SGCZ: variants seen among roughly 807,000 people sequenced by gnomAD.
The protein encoded by SGCZ is zeta-sarcoglycan.
SGCZ carries 40 observed loss-of-function variants against 41.3 expected under a neutral mutation model. The observed-to-expected ratio is 0.97, with a 90% confidence interval of 0.75 to 1.26. The LOEUF is 1.26. Among genes scored for constraint, SGCZ ranks in the 50% most tolerant of loss-of-function variants. The probability of loss-of-function intolerance (pLI) is 0.00; values close to 1 mark genes in which losing one functional copy is unlikely to be tolerated. For missense variants in SGCZ, 552 were observed against 369.8 expected (o/e 1.49, Z -4.04); for synonymous variants, 206 against 137.5 (o/e 1.50, Z -3.49).
chr8:14,788,228 A>C (rs2130459217), intron 1 of SGCZ, among the ~76,000 whole-genome samples: 1 of 152,250 alleles, frequency 6.6e-6, no homozygotes, highest in South Asian at 2.1e-4. Flanking sequence ...TAAAGCACAT[A>C]ATGCAGTAAT....
At chr8:14,908,707 G>A (rs1437422113) in intron 1 of SGCZ, among the ~76,000 whole-genome samples, 1 of 135,400 alleles carries the variant, frequency 7.4e-6, no homozygotes, top group African/African-American at 2.8e-5. Context: ...CCGAGATCGG[G>A]CCACTGTACT....
intron 1 of SGCZ, among the ~76,000 whole-genome samples, chr8:14,761,987 T>A (rs1563252277): frequency 6.6e-6 from 1 of 151,914 alleles, no homozygotes; most frequent in Non-Finnish European, 1.5e-5. Flanking sequence ...TAACACAGGG[T>A]TCAGTAAACT....
chr8:14,130,340 C>T (rs1043176247), intron 5 of SGCZ, among the ~76,000 whole-genome samples: 1 of 144,378 alleles, frequency 6.9e-6, no homozygotes, highest in Admixed American at 7.1e-5. Flanking sequence ...TCTTTTATCA[C>T]TATATAATCA....
intron 1 of SGCZ, among the ~76,000 whole-genome samples, chr8:14,740,436 G>C (rs112682315): frequency 2.0e-5 from 3 of 152,016 alleles, no homozygotes; most frequent in African/African-American, 4.8e-5. Flanking sequence ...TACTTCACAG[G>C]CTACCAAAGG....
intron 1 of SGCZ, among the ~76,000 whole-genome samples, chr8:15,058,765 C>T (rs1205566067): frequency 6.6e-6 from 1 of 152,054 alleles, no homozygotes; most frequent in African/African-American, 2.4e-5. Context: ...AAGAAAATCT[C>T]GTGTCAAAAG....
intron 1 of SGCZ, among the ~76,000 whole-genome samples, chr8:14,736,916 C>G (rs2264047): frequency 0.39 from 59,663 of 151,594 alleles, 13,592 homozygotes; most frequent in Non-Finnish European, 0.52. Context: ...AAAAAAGATA[C>G]TTGCACATGC....
In SGCZ at chr8:14,087,566, A is replaced by G. The variant is rs569070977; in HGVS notation, c.*2877T>C. 7.2e-4 allele frequency among the ~76,000 whole-genome samples: 109 copies of G among 151,774 alleles called. No individual in the cohort carries two copies. Among genetic ancestry groups the G allele is most frequent in the African/African-American group, 2.6e-3 (106 of 41,484 alleles). On this transcript the variant is annotated 3_prime_UTR_variant, in exon 8 of 8. Transcript: ENST00000382080. ...TAGTCGCATCCATGTAGTACACTAT[A>G]AAGGACTCATTTTTCTCAGTGTCAT...
chr8:14,967,822 T>C, intron 1 of SGCZ, among the ~76,000 whole-genome samples: 1 of 152,148 alleles, frequency 6.6e-6, no homozygotes, highest in East Asian at 1.9e-4. Flanking sequence ...GAAATGTTGA[T>C]TAAAAATTAC....
chr8:15,095,569 T>C (rs1044939403), intron 1 of SGCZ, among the ~76,000 whole-genome samples: 1 of 152,208 alleles, frequency 6.6e-6, no homozygotes, highest in Non-Finnish European at 1.5e-5. Flanking sequence ...AAATTAAGAT[T>C]CCTCACAAAT....
At chr8:14,301,277 C>A (rs998789901) in intron 3 of SGCZ, among the ~76,000 whole-genome samples, 1 of 151,908 alleles carries the variant, frequency 6.6e-6, no homozygotes, top group African/African-American at 2.4e-5. Flanking sequence ...TATAGAATCT[C>A]CTCTTCTTCA....
At chr8:14,815,756 G>T (rs901793394) in intron 1 of SGCZ, among the ~76,000 whole-genome samples, 2 of 152,098 alleles carry the variant, frequency 1.3e-5, no homozygotes, top group Non-Finnish European at 2.9e-5. Flanking sequence ...ACAAATGAGG[G>T]CAATCTATTA....
intron 1 of SGCZ, among the ~76,000 whole-genome samples, chr8:15,165,488 G>C (rs1799639001): frequency 6.6e-6 from 1 of 152,116 alleles, no homozygotes; most frequent in African/African-American, 2.4e-5. Flanking sequence ...AGAACTATTT[G>C]ACATGCTGGC....
intron 1 of SGCZ, among the ~76,000 whole-genome samples, chr8:14,607,584 C>T (rs4831610): frequency 0.37 from 55,689 of 152,004 alleles, 10,422 homozygotes; most frequent in East Asian, 0.62. Context: ...TTGAATGCTG[C>T]CCAAATTGAC....
chr8:14,208,281 T>C (rs369548678), intron 4 of SGCZ, among the ~76,000 whole-genome samples: 81 of 152,294 alleles, frequency 5.3e-4, no homozygotes, highest in African/African-American at 1.9e-3. Flanking sequence ...AGGATTAACA[T>C]CTGAAACTGT....
intron 1 of SGCZ, among the ~76,000 whole-genome samples, chr8:14,979,982 A>G (rs1299633731): frequency 6.6e-6 from 1 of 152,370 alleles, no homozygotes; most frequent in East Asian, 1.9e-4. Flanking sequence ...CATGCTTAAA[A>G]TTATTACCTC....
At chr8:15,082,816 T>C (rs1397453376) in intron 1 of SGCZ, among the ~76,000 whole-genome samples, 2 of 152,204 alleles carry the variant, frequency 1.3e-5, no homozygotes, top group Non-Finnish European at 2.9e-5. Context: ...TCTTTCATTA[T>C]TGCTCAGTTG....
At position 14,924,903 on chromosome 8, in the gene SGCZ, G is replaced by T. The variant is rs955681016; in HGVS notation, c.39+312682C>A. Among the ~76,000 whole-genome samples the T allele has an allele frequency of 4.4e-4, 64 of 146,076 alleles. 3 individuals are homozygous for T. Among genetic ancestry groups the T allele is most frequent in the African/African-American group, 1.6e-3 (63 of 38,868 alleles). The stretch of plus-strand genomic sequence containing the variant: ...GACAGATTCTCACTGTGTCACCCAG[G>T]CTGGAGTGCAATGTCGCCATCTCAG... On this transcript the variant is annotated intron_variant, in intron 1 of 7. Transcript: ENST00000382080.
At chr8:14,324,991 G>T (rs1299724785) in intron 2 of SGCZ, among the ~76,000 whole-genome samples, 2 of 152,120 alleles carry the variant, frequency 1.3e-5, no homozygotes, top group Non-Finnish European at 2.9e-5. Context: ...TAATGTATGA[G>T]ATTTCTATTT....
At chr8:14,345,544 G>C (rs190960982) in intron 2 of SGCZ, among the ~76,000 whole-genome samples, 1 of 152,242 alleles carries the variant, frequency 6.6e-6, no homozygotes, top group East Asian at 1.9e-4. Flanking sequence ...TTTTCCTTAC[G>C]AAGAGAGGTC....
Sources: allele counts gnomAD v4.1 joint callset (sites outside exome capture counted in the v4.1 genomes callset), GRCh38; gene constraint gnomAD v4.1.1; transcripts MANE v1.5; gene names NCBI Gene and HGNC (gene_info 2026-07-23, HGNC 2026-07-21).